The following NAGK variants were observed in gnomAD, a reference collection of about 807,000 sequenced individuals.
NAGK encodes the protein N-acetyl-D-glucosamine kinase.
NAGK carries 35 observed loss-of-function variants against 42.9 expected under a neutral mutation model. The observed-to-expected ratio is 0.82, with a 90% CI of 0.62 to 1.08. NAGK has a LOEUF of 1.08. Among genes scored for constraint, NAGK ranks in the 50% least tolerant of loss-of-function variants. NAGK has a pLI of 0.00. For synonymous variants in NAGK, 172 were observed against 176.0 expected (o/e 0.98, Z 0.18); for missense variants, 446 against 446.0 (o/e 1.00, Z 0.00).
In NAGK at chr2:71,071,670, C is replaced by T. The variant is rs1317808755; in HGVS notation, c.214-16C>T. The T allele has an allele frequency of 5.0e-6, 8 of 1,607,272 alleles. No homozygotes were observed. In the South Asian group the frequency reaches 6.6e-5, roughly 13 times the overall value. On this transcript the variant is annotated splice_polypyrimidine_tract_variant and intron_variant, in intron 3 of 9. Transcript: ENST00000244204. ...GCTGGGGCTCTGCACACTCGCTCACCTCCCGCGTGGCCTAGGGCCTATCTC... is the reference window on the plus strand; with the variant it reads ...GCTGGGGCTCTGCACACTCGCTCACTTCCCGCGTGGCCTAGGGCCTATCTC...
In NAGK at chr2:71,072,655, A is replaced by G. The variant is rs560847516; in HGVS notation, c.370A>G (p.Ile124Val). ...TATPDGGVVL[I>V]SGTGSNCRLI... ...CCTTTCCCCAGGTGGAGTTGTGCTC[A>G]TATCTGGAACAGGCTCCAACTGCAG... The change falls in exon 5 of 10, where the codon ATA becomes GTA. Residue 124 changes from isoleucine to valine, a missense_variant. Coordinates refer to ENST00000244204, the MANE Select transcript of NAGK (RefSeq NM_017567.6). 2 of 1,613,974 alleles carry G rather than the reference A, an allele frequency of 1.2e-6. No individual in the cohort carries two copies. Among genetic ancestry groups the G allele is most frequent in the Non-Finnish European group, 1.7e-6 (2 of 1,179,904 alleles).
intron 7 of NAGK, 115 bp downstream of exon 7, chr2:71,075,757 T>A: frequency 1.9e-6 from 2 of 1,027,048 alleles, no homozygotes; most frequent in Admixed American, 4.0e-5. Context: ...CCAAGTGACC[T>A]CAGTTCTCTG....
intron 6 of NAGK, chr2:71,074,865 G>A (rs1355580924): frequency 1.3e-5 from 2 of 152,144 alleles, no homozygotes; most frequent in East Asian, 1.9e-4. Flanking sequence ...GCAGTGAGGT[G>A]AGAGCACACC....
upstream of NAGK, chr2:71,068,546 A>C (rs1221487919): frequency 3.4e-6 from 5 of 1,475,644 alleles, no homozygotes; most frequent in East Asian, 5.9e-5. Context: ...CGCCCCGCGC[A>C]TGCGCACGCG....
chr2:71,078,248 G>C, intron 9 of NAGK, 70 bp from the exon 10 acceptor site: 1 of 1,506,920 alleles, frequency 6.6e-7, no homozygotes, highest in Non-Finnish European at 9.2e-7. Flanking sequence ...GTCCTTGTCT[G>C]TCTTCCTTCC....
At chr2:71,077,430 G>T in intron 8 of NAGK, 128 bp from the exon 9 acceptor site, 4 of 811,984 alleles carry the variant, frequency 4.9e-6, no homozygotes, top group Admixed American at 2.4e-5. Context: ...CCTTTCCTGA[G>T]TCTGTCTACT....
At chr2:71,071,310 A>G (rs758016373) in intron 3 of NAGK, 2 of 287,634 alleles carry the variant, frequency 7.0e-6, no homozygotes, top group Non-Finnish European at 1.3e-5. Context: ...AGCTCCAGCT[A>G]CTCCCTGGAC....
chr2:71,075,445 A>T (rs76365247), intron 6 of NAGK, 110 bp from the exon 7 acceptor site: 1 of 780,472 alleles, frequency 1.3e-6, no homozygotes, highest in Non-Finnish European at 2.1e-6. Flanking sequence ...GTTAAAAAAA[A>T]TTATTCTAGC....
intron 8 of NAGK, 23 bp from the exon 9 acceptor site, chr2:71,077,535 T>A: frequency 6.3e-7 from 1 of 1,589,908 alleles, no homozygotes; most frequent in Non-Finnish European, 8.6e-7. Flanking sequence ...GGCCCCCATA[T>A]CCATTTTCTG....
chr2:71,068,531 C>T (rs368862856), upstream of NAGK: 1,230 of 1,459,778 alleles, frequency 8.4e-4, 18 homozygotes, highest in African/African-American at 0.017. Context: ...CTCCTACCGG[C>T]GCCCCGCCCC....
At chr2:71,078,269 A>G in intron 9 of NAGK, 49 bp from the exon 10 acceptor site, 1 of 1,571,202 alleles carries the variant, frequency 6.4e-7, no homozygotes, top group Non-Finnish European at 8.8e-7. Context: ...TGGCCCCAGT[A>G]CAGGTTGCTG....
At chr2:71,068,397 G>GGGATTA, upstream of NAGK, 1 of 1,135,622 alleles carries the variant, frequency 8.8e-7, no homozygotes. Flanking sequence ...TCCTCCTCTT[G>GGGATTA]GGATTAGTGT....
Position 71,076,354 on chromosome 2 carries a change from C to T in NAGK, c.668-250C>T, listed in dbSNP as rs560074951. ...GTGCATTCCTTTAGTGGGTGCTGCC[C>T]TCCCTTCCTGAGTTGGGGGCCTGAG... On this transcript the variant is annotated intron_variant, in intron 7 of 9. Coordinates refer to ENST00000244204, the MANE Select transcript of NAGK (RefSeq NM_017567.6). 288 of 400,694 alleles carry T rather than the reference C, an allele frequency of 7.2e-4. 1 individual carries two copies. The highest frequency in any genetic ancestry group is 5.4e-3 in the African/African-American group (258 of 47,976). 24.8% of individuals were successfully genotyped at this position (400,694 alleles called of 1,614,324 possible).
At chr2:71,071,958 G>C (rs1672029855) in intron 4 of NAGK, 131 bp downstream of exon 4, 4 of 1,249,334 alleles carry the variant, frequency 3.2e-6, no homozygotes, top group Non-Finnish European at 1.1e-6. Flanking sequence ...AACTCTTTAA[G>C]TAGTTTAAGT....
rs1671950629 is a variant in NAGK, at chr2:71,070,317, G to T, written c.30-185G>T. 12 of 536,276 alleles carry T rather than the reference G, an allele frequency of 2.2e-5. No individual in the cohort carries two copies. In the South Asian group the frequency reaches 2.4e-4, roughly 11 times the overall value. 33.2% of individuals were successfully genotyped at this position (536,276 alleles called of 1,614,324 possible). A position where few individuals can be genotyped will look rare whatever the true frequency, so the allele number is the denominator to read the frequency against. On this transcript the variant is annotated intron_variant, in intron 1 of 9. Coordinates refer to ENST00000244204, the MANE Select transcript of NAGK (RefSeq NM_017567.6). ...AGGACATCCCCAAGGGAAGAGGAGT[G>T]AGAATTATGTTTCAGTTAAAGAGCA...
chr2:71,068,537 G>T (rs1422482437), upstream of NAGK: 2 of 1,468,006 alleles, frequency 1.4e-6, no homozygotes, highest in African/African-American at 3.0e-5. Context: ...CCGGCGCCCC[G>T]CCCCGCGCAT....
chr2:71,071,510 C>G lies in NAGK; in HGVS notation c.214-176C>G, dbSNP rs1672000678. 4.6e-6 allele frequency: 4 copies of G among 875,320 alleles called. No individual in the cohort carries two copies. In the African/African-American group the frequency reaches 5.1e-5, roughly 11 times the overall value. 54.2% of individuals were successfully genotyped at this position (875,320 alleles called of 1,614,324 possible). A position where few individuals can be genotyped will look rare whatever the true frequency, so the allele number is the denominator to read the frequency against. On this transcript the variant is annotated intron_variant, in intron 3 of 9. Coordinates refer to ENST00000244204, the MANE Select transcript of NAGK (RefSeq NM_017567.6). ...CTGTCCATCCCCAGTCCAGGTTGTT[C>G]TTATAACCACAGCCTTCTGAGGGGT...
chr2:71,077,835 A>G (rs1331114375), intron 9 of NAGK, among the ~76,000 whole-genome samples, 199 bp downstream of exon 9: 1 of 152,076 alleles, frequency 6.6e-6, no homozygotes, highest in Non-Finnish European at 1.5e-5. Flanking sequence ...CCTTCCTTGA[A>G]CTCTTGAAAA....
chr2:71,068,507 G>T (rs1325704462), upstream of NAGK: 2 of 1,431,890 alleles, frequency 1.4e-6, no homozygotes, highest in Non-Finnish European at 1.8e-6. Flanking sequence ...CCTGAGGGAC[G>T]CAGCCATCCC....
Sources: gnomAD v4.1 joint callset for allele counts (sites outside exome capture counted in the v4.1 genomes callset) on GRCh38, gnomAD v4.1.1 for gene constraint, MANE v1.5 for transcripts, NCBI Gene and HGNC (gene_info 2026-07-23, HGNC 2026-07-21) for gene names.